Variants in LSAMP observed in about 807,000 individuals in gnomAD.
The protein encoded by LSAMP is limbic system-associated membrane protein.
LSAMP carries 7 observed loss-of-function variants against 38.6 expected under a neutral mutation model. The ratio of observed to expected loss-of-function variants is 0.18; its 90% CI spans 0.10 to 0.34. The LOEUF (loss-of-function observed/expected upper bound fraction) is 0.34. Ranked by LOEUF, LSAMP falls within the 10% of genes least tolerant of loss-of-function variation. The pLI is 1.00. For synonymous variants in LSAMP, 154 were observed against 166.8 expected, an observed-to-expected ratio of 0.92 and a Z score of 0.59; for missense variants, 313 against 420.0, an observed-to-expected ratio of 0.75 and a Z score of 2.23.
chr3:116,150,557 A>C (rs921010483), intron 1 of LSAMP, among the ~76,000 whole-genome samples: 1 of 152,046 alleles, frequency 6.6e-6, no homozygotes, highest in Non-Finnish European at 1.5e-5. Context: ...TATTATCAAT[A>C]ATAAAAGGCT....
chr3:115,886,323 C>T (rs1936452325), intron 3 of LSAMP, among the ~76,000 whole-genome samples: 1 of 151,980 alleles, frequency 6.6e-6, no homozygotes, highest in Admixed American at 6.6e-5. Context: ...CTTATCCAAA[C>T]ATGTATTCTT....
intron 6 of LSAMP, chr3:115,814,301 T>G (rs1559832533): frequency 6.6e-6 from 1 of 152,208 alleles, no homozygotes; most frequent in Non-Finnish European, 1.5e-5. Context: ...ATAAGTTAGA[T>G]TCTGTGTCCA....
chr3:115,908,235 A>G (rs1458526906), intron 3 of LSAMP, among the ~76,000 whole-genome samples: 2 of 152,066 alleles, frequency 1.3e-5, no homozygotes, highest in African/African-American at 4.8e-5. Flanking sequence ...GTTTATATAT[A>G]TATAAGTGGA....
chr3:115,857,144 A>G (rs1935532184), intron 3 of LSAMP, among the ~76,000 whole-genome samples: 1 of 152,228 alleles, frequency 6.6e-6, no homozygotes, highest in Non-Finnish European at 1.5e-5. Context: ...TTGGAAACCA[A>G]CAGAGCTCCC....
intron 1 of LSAMP, among the ~76,000 whole-genome samples, chr3:116,237,746 C>T (rs189067237): frequency 6.8e-4 from 104 of 152,286 alleles, no homozygotes; most frequent in African/African-American, 2.4e-3. Flanking sequence ...TTGACCAGGA[C>T]TCAAACACAC....
intron 1 of LSAMP, among the ~76,000 whole-genome samples, chr3:116,250,900 G>T (rs1463855267): frequency 1.3e-5 from 2 of 152,000 alleles, no homozygotes; most frequent in Non-Finnish European, 2.9e-5. Context: ...GGGAACAAAA[G>T]AAAGCTATAA....
chr3:115,879,543 A>G (rs1576178525), intron 3 of LSAMP, among the ~76,000 whole-genome samples: 1 of 152,308 alleles, frequency 6.6e-6, no homozygotes, highest in East Asian at 1.9e-4. Context: ...AGACGTAGTC[A>G]TTCACTCATC....
chr3:115,899,141 A>G (rs914654718), intron 3 of LSAMP, among the ~76,000 whole-genome samples: 2 of 152,194 alleles, frequency 1.3e-5, no homozygotes, highest in Non-Finnish European at 2.9e-5. Context: ...CCAATCTGAA[A>G]CAGAAGCAGA....
At chr3:116,138,304 ACATAATT>A (rs372834202) in intron 1 of LSAMP, among the ~76,000 whole-genome samples, 4 of 152,152 alleles carry the variant, frequency 2.6e-5, no homozygotes, top group African/African-American at 9.6e-5. Context: ...GACATATGAA[ACATAATT>A]CATAATTCAA....
intron 3 of LSAMP, among the ~76,000 whole-genome samples, chr3:115,939,959 C>G (rs1937855014): frequency 6.6e-6 from 1 of 152,108 alleles, no homozygotes; most frequent in African/African-American, 2.4e-5. Flanking sequence ...TGTTACAGCT[C>G]TTAAAGATGG....
chr3:115,842,588 G>GTA lies in LSAMP; in HGVS notation c.650-11_650-10insTA. 6.2e-7 allele frequency: 1 copy of GTA among 1,612,720 alleles called. No individual in the cohort carries two copies. The highest frequency in any genetic ancestry group is 1.1e-5 in the South Asian group (1 of 90,996). ...GTGATAGTGGGAGGATCTGTAGGAA[G>GTA]GACAGGCACACAAGTTTACATGAGG... On this transcript the variant is annotated splice_polypyrimidine_tract_variant and intron_variant, in intron 4 of 6. Transcript: ENST00000490035.
chr3:116,284,142 T>C (rs956156832), intron 1 of LSAMP, among the ~76,000 whole-genome samples: 1 of 152,190 alleles, frequency 6.6e-6, no homozygotes, highest in Non-Finnish European at 1.5e-5. Flanking sequence ...TTATGACTTC[T>C]AAAATTGAAG....
At chr3:116,358,667 A>C (rs999622844) in intron 1 of LSAMP, among the ~76,000 whole-genome samples, 1 of 152,170 alleles carries the variant, frequency 6.6e-6, no homozygotes, top group Non-Finnish European at 1.5e-5. Flanking sequence ...TACTAGATGA[A>C]AGACATTCTA....
At chr3:116,144,562 C>CTTTTTTTTTTTTTTTTTTT (rs3071080) in intron 1 of LSAMP, among the ~76,000 whole-genome samples, 1 of 142,148 alleles carries the variant, frequency 7.0e-6, no homozygotes, top group Non-Finnish European at 1.5e-5. Flanking sequence ...CATCACCTTA[C>CTTTTTTTTTTTTTTTTTTT]TTTTTTTTTT....
intron 1 of LSAMP, among the ~76,000 whole-genome samples, chr3:116,335,468 T>C (rs2047906952): frequency 6.6e-6 from 1 of 152,074 alleles, no homozygotes; most frequent in Non-Finnish European, 1.5e-5. Flanking sequence ...CAAATATTAC[T>C]ACACAACTAC....
At chr3:116,005,071 T>C (rs898057473) in intron 3 of LSAMP, among the ~76,000 whole-genome samples, 1 of 152,132 alleles carries the variant, frequency 6.6e-6, no homozygotes, top group Non-Finnish European at 1.5e-5. Flanking sequence ...TGGGTAGTAA[T>C]AGCAATAGTA....
At chr3:116,411,602 A>AACACACAG (rs532095573) in intron 1 of LSAMP, among the ~76,000 whole-genome samples, 2,282 of 129,908 alleles carry the variant, frequency 0.018, 27 homozygotes, top group Middle Eastern at 0.03. Flanking sequence ...CAGGAAGGGG[A>AACACACAG]ACATCTCACT....
intron 1 of LSAMP, among the ~76,000 whole-genome samples, chr3:116,416,284 G>A (rs961819574): frequency 2.0e-4 from 30 of 152,098 alleles, no homozygotes; most frequent in Admixed American, 1.2e-3. Context: ...CACATGTTTT[G>A]TACCAGAACT....
chr3:116,295,472 G>C (rs2047318839), intron 1 of LSAMP, among the ~76,000 whole-genome samples: 1 of 152,070 alleles, frequency 6.6e-6, no homozygotes, highest in Non-Finnish European at 1.5e-5. Flanking sequence ...TATAATTCTA[G>C]GTAAGTGTAC....
Sources: allele counts gnomAD v4.1 joint callset (sites outside exome capture counted in the v4.1 genomes callset), GRCh38; gene constraint gnomAD v4.1.1; transcripts MANE v1.5; gene names NCBI Gene and HGNC (gene_info 2026-07-23, HGNC 2026-07-21).